Variants in ARHGAP20 observed in about 807,000 individuals in gnomAD.
ARHGAP20 encodes rho GTPase-activating protein 20.
In ARHGAP20, 34 loss-of-function variants were observed where a neutral mutation model predicts 73.7. That is an observed-to-expected ratio of 0.46 (90% CI 0.35 to 0.61). The LOEUF (loss-of-function observed/expected upper bound fraction) is 0.61. Among genes scored for constraint, ARHGAP20 ranks in the 20% least tolerant of loss-of-function variants. ARHGAP20 has a pLI of 0.00. For synonymous variants in ARHGAP20, 523 were observed against 518.2 expected, an observed-to-expected ratio of 1.01 and a Z score of -0.13; for missense variants, 1,314 against 1,420.9, an observed-to-expected ratio of 0.92 and a Z score of 1.21.
intron 3 of ARHGAP20, among the ~76,000 whole-genome samples, chr11:110,627,999 C>T (rs964777299): frequency 3.3e-5 from 5 of 152,126 alleles, no homozygotes; most frequent in South Asian, 2.1e-4. Flanking sequence ...CAAACATTGT[C>T]GGCATCCAGT....
intron 6 of ARHGAP20, 88 bp from the exon 7 acceptor site, chr11:110,611,474 G>T: frequency 3.2e-6 from 2 of 624,458 alleles, no homozygotes; most frequent in Non-Finnish European, 5.1e-6. Flanking sequence ...ATTATCGAAA[G>T]GCAAATATTG....
intron 4 of ARHGAP20, among the ~76,000 whole-genome samples, chr11:110,623,303 G>A (rs1657260078): frequency 6.6e-6 from 1 of 152,204 alleles, no homozygotes; most frequent in Non-Finnish European, 1.5e-5. Flanking sequence ...ATGTGCATGT[G>A]ATGGACACTA....
At chr11:110,609,928 C>G (rs1948326304) in intron 7 of ARHGAP20, among the ~76,000 whole-genome samples, 1 of 152,094 alleles carries the variant, frequency 6.6e-6, no homozygotes, top group Admixed American at 6.6e-5. Flanking sequence ...AATAAAAATC[C>G]TTTCTTTTTA....
chr11:110,609,018 A>T lies in ARHGAP20; in HGVS notation c.741T>A (p.Asn247Lys). 1 of 1,613,744 alleles carries T rather than the reference A, an allele frequency of 6.2e-7. No individual in the cohort carries two copies. ...GGTATGGAGCCTCTTCTTTGCCAGAATTGACCCACAACTGGTAATCTCTCT... is the reference window on the plus strand; with the variant it reads ...GGTATGGAGCCTCTTCTTTGCCAGATTTGACCCACAACTGGTAATCTCTCT... ...GSERDYQLWV[N>K]SGKEEAPYPL... is the part of the protein sequence containing the mutation. The change falls in exon 8 of 15, where the codon AAT becomes AAA. Residue 247 changes from asparagine to lysine, a missense_variant. Asn to Lys is a moderately conservative substitution (Grantham distance 94). This residue lies in a region of ARHGAP20 where 443 missense variants were observed against 466.4 expected (regional missense o/e 0.95). Coordinates refer to ENST00000683387, the MANE Select transcript of ARHGAP20 (RefSeq NM_001384657.1).
rs57023335 is a variant in ARHGAP20 at position 110,681,729 on chromosome 11, G to C, written c.188+8818C>G. Among the ~76,000 whole-genome samples, 223 of 152,290 alleles carry C rather than the reference G, an allele frequency of 1.5e-3. 6 individuals are homozygous for C. In the East Asian group the frequency reaches 0.028, roughly 19 times the overall value. On this transcript the variant is annotated intron_variant, in intron 2 of 14. Coordinates refer to ENST00000683387, the MANE Select transcript of ARHGAP20 (RefSeq NM_001384657.1). ...GTCAGAGTAGGACAATGTGAGCATG[G>C]TGGTGTGTGGTCATGCACAACAGGA...
Position 110,712,343 on chromosome 11 carries a change from A to T in ARHGAP20, c.-112T>A. 1.1e-6 allele frequency: 1 copy of T among 905,250 alleles called. No homozygotes were observed. The highest frequency in any genetic ancestry group is 1.5e-6 in the Non-Finnish European group (1 of 680,694). The allele number at this position is 905,250 out of a possible 1,614,324, so 56.1% of individuals were successfully genotyped here. On this transcript the variant is annotated 5_prime_UTR_variant, in exon 1 of 15. The change abolishes the stop of an existing upstream ORF in the 5' untranslated region. Coordinates refer to ENST00000683387, the MANE Select transcript of ARHGAP20 (RefSeq NM_001384657.1). ...GGGCGGAGGCGCGGCTGCCGTGCTCAGGCAGGGAGCCGAGCTCCGGGTGCT... is the reference window on the plus strand; with the variant it reads ...GGGCGGAGGCGCGGCTGCCGTGCTCTGGCAGGGAGCCGAGCTCCGGGTGCT...
At chr11:110,616,531 G>A (rs915364204) in intron 4 of ARHGAP20, among the ~76,000 whole-genome samples, 5 of 152,172 alleles carry the variant, frequency 3.3e-5, no homozygotes, top group Middle Eastern at 6.8e-3. Context: ...GTGCCACAAG[G>A]CCTGGCTAAT....
At chr11:110,584,448 C>A (rs1947564413) in intron 12 of ARHGAP20, among the ~76,000 whole-genome samples, 1 of 149,116 alleles carries the variant, frequency 6.7e-6, no homozygotes, top group Non-Finnish European at 1.5e-5. Flanking sequence ...AAACCTGCAA[C>A]CTAGGGAAAA....
chr11:110,699,900 G>T (rs1950411068), intron 1 of ARHGAP20, among the ~76,000 whole-genome samples: 1 of 151,910 alleles, frequency 6.6e-6, no homozygotes, highest in Non-Finnish European at 1.5e-5. Flanking sequence ...AGATTTTAAG[G>T]TAGTAATACA....
chr11:110,711,757 G>A (rs887669781), intron 1 of ARHGAP20: 16 of 1,360,986 alleles, frequency 1.2e-5, no homozygotes, highest in African/African-American at 4.6e-5. Context: ...AGGCCACTTC[G>A]GGAGGCCCAG....
At chr11:110,652,875 T>C (rs116340623) in intron 2 of ARHGAP20, among the ~76,000 whole-genome samples, 2,568 of 152,188 alleles carry the variant, frequency 0.017, 76 homozygotes, top group African/African-American at 0.058. Context: ...AACAGATACA[T>C]AGATCAATGC....
intron 2 of ARHGAP20, among the ~76,000 whole-genome samples, chr11:110,646,314 C>T (rs1327909192): frequency 6.6e-6 from 1 of 152,100 alleles, no homozygotes; most frequent in Non-Finnish European, 1.5e-5. Flanking sequence ...TGATTCATAA[C>T]TAAAAGAAAA....
intron 9 of ARHGAP20, among the ~76,000 whole-genome samples, chr11:110,592,524 G>A (rs1442366689): frequency 6.6e-6 from 1 of 152,088 alleles, no homozygotes; most frequent in Non-Finnish European, 1.5e-5. Flanking sequence ...TTTTAAAGAT[G>A]AGACTAAGCA....
intron 1 of ARHGAP20, among the ~76,000 whole-genome samples, chr11:110,703,975 G>T (rs564857605): frequency 6.6e-6 from 1 of 152,288 alleles, no homozygotes; most frequent in Non-Finnish European, 1.5e-5. Flanking sequence ...TCGCCTGAAG[G>T]CCAAGAGGCT....
intron 9 of ARHGAP20, among the ~76,000 whole-genome samples, chr11:110,597,286 A>G (rs1260978020): frequency 1.5e-5 from 2 of 137,668 alleles, no homozygotes; most frequent in Non-Finnish European, 3.1e-5. Flanking sequence ...GTATAATAAT[A>G]ATAAAATTAA....
intron 3 of ARHGAP20, 24 bp from the exon 4 acceptor site, chr11:110,624,335 A>G: frequency 6.7e-7 from 1 of 1,500,216 alleles, no homozygotes; most frequent in Non-Finnish European, 8.9e-7. Flanking sequence ...AACCAAACAG[A>G]ACCTTTTGTT....
intron 9 of ARHGAP20, among the ~76,000 whole-genome samples, chr11:110,596,668 C>T (rs12806475): frequency 0.12 from 17,773 of 151,854 alleles, 1,347 homozygotes; most frequent in African/African-American, 0.21. Context: ...TGTGGAGAAA[C>T]AGGAACACTT....
chr11:110,667,261 C>G (rs1949741531), intron 2 of ARHGAP20, among the ~76,000 whole-genome samples: 1 of 152,142 alleles, frequency 6.6e-6, no homozygotes, highest in South Asian at 2.1e-4. Flanking sequence ...AAGCTGACTC[C>G]TTTGTTAGGG....
At chr11:110,644,704 G>GA (rs1284646196) in intron 2 of ARHGAP20, among the ~76,000 whole-genome samples, 16 of 152,158 alleles carry the variant, frequency 1.1e-4, no homozygotes, top group African/African-American at 3.4e-4. Context: ...GAAAACCTAG[G>GA]AAATACCATT....
Sources: allele counts gnomAD v4.1 joint callset (sites outside exome capture counted in the v4.1 genomes callset), GRCh38; gene constraint gnomAD v4.1.1; regional missense constraint gnomAD v4.1.1; transcripts MANE v1.5; gene names NCBI Gene and HGNC (gene_info 2026-07-23, HGNC 2026-07-21).